Variants in PGBD2 observed in about 807,000 individuals in gnomAD.
PGBD2 encodes the protein piggyBac transposable element-derived protein 2.
In PGBD2, 6 loss-of-function variants were observed where a neutral mutation model predicts 8.1. That is an observed-to-expected ratio of 0.74 (90% CI 0.40 to 1.46). PGBD2 has a LOEUF of 1.46. PGBD2 is among the 40% of genes most tolerant of loss of function. PGBD2 has a pLI of 0.02. For synonymous variants in PGBD2, 318 were observed against 272.2 expected, an observed-to-expected ratio of 1.17 and a Z score of -1.66; for missense variants, 802 against 739.0, an observed-to-expected ratio of 1.09 and a Z score of -0.99.
chr1:248,918,064 G>A lies in PGBD2; in HGVS notation c.1480G>A (p.Ala494Thr). The A allele has an allele frequency of 6.2e-7, 1 of 1,614,196 alleles. No homozygotes were observed. The highest frequency in any genetic ancestry group is 1.1e-5 in the South Asian group (1 of 91,088). ...SSFIGYVIDA[A>T]LNNAWQLHRI... The stretch of plus-strand genomic sequence containing the variant: ...CTTTATTGGCTATGTCATTGATGCT[G>A]CCCTCAACAATGCATGGCAGCTGCA... The change falls in exon 3 of 3, where the codon GCC becomes ACC. Residue 494 changes from alanine to threonine, a missense_variant. By Grantham distance (58) the Ala-to-Thr change is moderately conservative (BLOSUM62 0). Coordinates refer to ENST00000329291, the MANE Select transcript of PGBD2 (RefSeq NM_170725.3).
chr1:248,877,878 G>A, the PGBD2 span, among the ~76,000 whole-genome samples: 1 of 152,106 alleles, frequency 6.6e-6, no homozygotes, highest in African/African-American at 2.4e-5. Context: ...TAAAAATATG[G>A]GGTTAGTGGC....
At chr1:248,900,108 A>C in the PGBD2 span, among the ~76,000 whole-genome samples, 5 of 151,538 alleles carry the variant, frequency 3.3e-5, no homozygotes, top group African/African-American at 1.2e-4. Context: ...AAAAAAAAAA[A>C]AAAAAAAAGC....
At chr1:248,900,097 CAA>C in the PGBD2 span, among the ~76,000 whole-genome samples, 365 of 49,460 alleles carry the variant, frequency 7.4e-3, 2 homozygotes, top group African/African-American at 0.016. Flanking sequence ...AATAGCCTAC[CAA>C]AAAAAAAAAA....
intron 2 of PGBD2, among the ~76,000 whole-genome samples, chr1:248,916,296 C>T (rs1420295456): frequency 6.6e-6 from 1 of 152,116 alleles, no homozygotes; most frequent in Non-Finnish European, 1.5e-5. Context: ...CACCTGTAGT[C>T]CCAGGTACTC....
chr1:248,893,014 T>C, the PGBD2 span, among the ~76,000 whole-genome samples: 1 of 152,258 alleles, frequency 6.6e-6, no homozygotes, highest in African/African-American at 2.4e-5. Context: ...TGGAAGTCTG[T>C]TGTGGTCTTT....
In PGBD2 at chr1:248,918,336, A is replaced by T. The variant is rs946590145; in HGVS notation, c.1752A>T (p.Lys584Asn). 2 of 1,568,938 alleles carry T rather than the reference A, an allele frequency of 1.3e-6. No individual in the cohort carries two copies. Among genetic ancestry groups the T allele is most frequent in the Non-Finnish European group, 1.7e-6 (2 of 1,157,762 alleles). The stretch of plus-strand genomic sequence containing the variant: ...AGTGCCAGAAGGGTGTCCATGCCAA[A>T]TGCTTCAGGGAGTACCACATCCGGT... ...CEKCQKGVHA[K>N]CFREYHIR is the part of the protein sequence containing the mutation. The change falls in exon 3 of 3, where the codon AAA becomes AAT. Residue 584 changes from lysine (K) to asparagine (N), a missense_variant. Lys to Asn is a moderately conservative substitution (Grantham distance 94). Transcript: ENST00000329291.
the PGBD2 span, among the ~76,000 whole-genome samples, chr1:248,899,988 G>C: frequency 7.4e-5 from 11 of 149,092 alleles, no homozygotes; most frequent in Admixed American, 7.4e-4. Context: ...AGAAGAAATG[G>C]ATAAATTGCT....
chr1:248,903,433 C>T (rs1661567474), upstream of PGBD2, among the ~76,000 whole-genome samples: 1 of 152,166 alleles, frequency 6.6e-6, no homozygotes, highest in South Asian at 2.1e-4. Flanking sequence ...AGGCGATTCT[C>T]CCACCTCAGG....
upstream of PGBD2, among the ~76,000 whole-genome samples, chr1:248,905,402 A>G (rs1011843492): frequency 2.0e-5 from 3 of 152,210 alleles, no homozygotes; most frequent in Non-Finnish European, 4.4e-5. Context: ...CTAATGGGCT[A>G]CTGGGTTTCA....
chr1:248,906,804 G>T (rs1267328604), intron 1 of PGBD2, among the ~76,000 whole-genome samples: 1 of 152,134 alleles, frequency 6.6e-6, no homozygotes, highest in African/African-American at 2.4e-5. Flanking sequence ...TGCCTGGGAA[G>T]CTGCTGAGGT....
chr1:248,899,769 C>G, the PGBD2 span, among the ~76,000 whole-genome samples: 8,276 of 138,516 alleles, frequency 0.06, 797 homozygotes, highest in African/African-American at 0.21. Context: ...TTAAAAAAAT[C>G]AGCAAATTCA....
rs1002181787 is a variant in PGBD2, at chr1:248,918,123, C to T, written c.1539C>T (p.Leu513=). 9.3e-6 allele frequency: 15 copies of T among 1,614,096 alleles called. No individual in the cohort carries two copies. The highest frequency in any genetic ancestry group is 1.3e-5 in the Non-Finnish European group (15 of 1,180,038). ...GCTGCCAAGATGCCCAGGTGGACCT[C>T]CTTGCCTTCCGGAGATACATTGCCT... ...RICCQDAQVD[L]LAFRRYIACV... The change falls in exon 3 of 3, where the codon CTC becomes CTT. Residue 513 remains leucine (L), a synonymous_variant. Coordinates refer to ENST00000329291, the MANE Select transcript of PGBD2 (RefSeq NM_170725.3).
downstream of PGBD2, chr1:248,919,740 T>A (rs1411411828): frequency 1.2e-5 from 2 of 166,750 alleles, no homozygotes; most frequent in Non-Finnish European, 2.9e-5. Context: ...TCCACATCCT[T>A]GCCAGCATTT....
At chr1:248,897,772 AC>A in the PGBD2 span, among the ~76,000 whole-genome samples, 3 of 151,346 alleles carry the variant, frequency 2.0e-5, no homozygotes, top group East Asian at 5.8e-4. Flanking sequence ...ACCAGCTAAG[AC>A]CCACTGGCTT....
At chr1:248,876,377 T>C in the PGBD2 span, among the ~76,000 whole-genome samples, 5,870 of 152,288 alleles carry the variant, frequency 0.039, 375 homozygotes, top group African/African-American at 0.13. Context: ...CTTCATAGGT[T>C]AATTAGAACA....
At chr1:248,902,693 T>C (rs1039669607), upstream of PGBD2, among the ~76,000 whole-genome samples, 3 of 152,204 alleles carry the variant, frequency 2.0e-5, no homozygotes, top group Admixed American at 6.5e-5. Flanking sequence ...CATATCTTTT[T>C]GCAGGGAGAT....
chr1:248,917,164 T>C lies in PGBD2; in HGVS notation c.580T>C (p.Tyr194His). 1 of 1,614,150 alleles carries C rather than the reference T, an allele frequency of 6.2e-7. No homozygotes were observed. Among genetic ancestry groups the C allele is most frequent in the Non-Finnish European group, 8.5e-7 (1 of 1,180,028 alleles). The change falls in exon 3 of 3, where the codon TAT becomes CAT. Residue 194 changes from tyrosine (Y) to histidine (H), a missense_variant. Physicochemically the swap from Tyr to His is moderately conservative, Grantham distance 83 (BLOSUM62 2). Transcript: ENST00000329291. ...TTTGATTTTAAGTGGGTACATCTCT[T>C]ATCCAAGGAGAAGGATGTTCTGGGA... ...GILILSGYIS[Y>H]PRRRMFWETS...
downstream of PGBD2, among the ~76,000 whole-genome samples, chr1:248,922,190 G>C (rs1662298821): frequency 6.6e-6 from 1 of 151,928 alleles, no homozygotes; most frequent in Non-Finnish European, 1.5e-5. Flanking sequence ...CTCCCGAGTA[G>C]CTGGGACCAC....
the PGBD2 span, among the ~76,000 whole-genome samples, chr1:248,926,812 A>G: frequency 6.6e-6 from 1 of 152,154 alleles, no homozygotes; most frequent in Non-Finnish European, 1.5e-5. Flanking sequence ...CTCAAGCCAT[A>G]TGTTCTTATT....
Sources: allele counts gnomAD v4.1 joint callset (sites outside exome capture counted in the v4.1 genomes callset), GRCh38; gene constraint gnomAD v4.1.1; transcripts MANE v1.5; gene names NCBI Gene and HGNC (gene_info 2026-07-23, HGNC 2026-07-21).